ORC5: variants seen among roughly 807,000 people sequenced by gnomAD.
ORC5 encodes protein phosphatase 1, regulatory subunit 117.
In ORC5, 39 loss-of-function variants were observed where a neutral mutation model predicts 58.8. That is an observed-to-expected ratio of 0.66 (90% confidence interval 0.51 to 0.87). The LOEUF is 0.87. ORC5 is among the 40% of genes least tolerant of loss of function. ORC5 has a pLI of 0.00. For synonymous variants in ORC5, 218 were observed against 177.6 expected (o/e 1.23, Z -1.81); for missense variants, 493 against 506.3 (o/e 0.97, Z 0.25).
At position 104,160,996 on chromosome 7, in the gene ORC5, T is replaced by C. The variant is rs10487187; in HGVS notation, c.1149+76A>G. 0.013 allele frequency: 10,360 copies of C among 822,274 alleles called. 730 individuals carry two copies. In the African/African-American group the frequency reaches 0.16, roughly 12 times the overall value. The allele number at this position is 822,274 out of a possible 1,614,324, so 50.9% of individuals were successfully genotyped here. A position where few individuals can be genotyped will look rare whatever the true frequency, so the allele number is the denominator to read the frequency against. Reference sequence around the variant, plus strand: ...AACATATGTTGAACAAAAATCTGAATGCCTGGAATTCTATTGACTCTACTA... The same window carrying C: ...AACATATGTTGAACAAAAATCTGAACGCCTGGAATTCTATTGACTCTACTA... On this transcript the variant is annotated intron_variant, in intron 12 of 13. Coordinates refer to ENST00000297431, the MANE Select transcript of ORC5 (RefSeq NM_002553.4).
intron 11 of ORC5, among the ~76,000 whole-genome samples, chr7:104,162,059 A>G (rs1799034372): frequency 6.6e-6 from 1 of 152,230 alleles, no homozygotes; most frequent in South Asian, 2.1e-4. Context: ...AATTTTTTCA[A>G]TATTGTAAAA....
intron 12 of ORC5, among the ~76,000 whole-genome samples, chr7:104,149,349 T>C (rs1222522726): frequency 6.6e-6 from 1 of 152,186 alleles, no homozygotes; most frequent in Non-Finnish European, 1.5e-5. Context: ...TATGAAGATA[T>C]ATTCTATTGT....
chr7:104,164,646 C>G (rs1442273515), intron 11 of ORC5, among the ~76,000 whole-genome samples: 1 of 152,174 alleles, frequency 6.6e-6, no homozygotes, highest in Non-Finnish European at 1.5e-5. Flanking sequence ...TTTGGACATA[C>G]AAAGTGGAAG....
At chr7:104,171,850 G>A (rs1490732141) in intron 8 of ORC5, among the ~76,000 whole-genome samples, 2 of 151,984 alleles carry the variant, frequency 1.3e-5, no homozygotes, top group Non-Finnish European at 2.9e-5. Flanking sequence ...ATGGGACCCT[G>A]TCTCAAAAAA....
chr7:104,205,279 G>A (rs953640360), intron 1 of ORC5, among the ~76,000 whole-genome samples: 16 of 151,570 alleles, frequency 1.1e-4, no homozygotes, highest in African/African-American at 2.9e-4. Flanking sequence ...TAGTTAAGAC[G>A]GAGTTTCACC....
intron 4 of ORC5, 54 bp downstream of exon 4, chr7:104,197,671 A>T (rs1219733324): frequency 5.0e-6 from 6 of 1,189,356 alleles, no homozygotes; most frequent in South Asian, 2.9e-5. Context: ...AAACTTTTAC[A>T]ACACAATCCA....
At chr7:104,190,096 G>C (rs1799640454) in intron 5 of ORC5, among the ~76,000 whole-genome samples, 1 of 152,002 alleles carries the variant, frequency 6.6e-6, no homozygotes, top group Non-Finnish European at 1.5e-5. Flanking sequence ...GGTGTCAGAA[G>C]TGTTTTGAGT....
At chr7:104,127,719 T>A (rs1798451054) in intron 13 of ORC5, among the ~76,000 whole-genome samples, 1 of 152,262 alleles carries the variant, frequency 6.6e-6, no homozygotes, top group African/African-American at 2.4e-5. Flanking sequence ...CATCAATTAA[T>A]GTTTTTGTCT....
intron 1 of ORC5, among the ~76,000 whole-genome samples, chr7:104,206,107 T>A (rs1800076306): frequency 6.6e-6 from 1 of 152,230 alleles, no homozygotes; most frequent in Admixed American, 6.5e-5. Flanking sequence ...ACCTTAAACA[T>A]CTTTTCTATT....
Position 104,197,810 on chromosome 7 carries a change from CAAA to C in ORC5, c.367-14_367-12del. On this transcript the variant is annotated splice_polypyrimidine_tract_variant and intron_variant, in intron 3 of 13. Coordinates refer to ENST00000297431, the MANE Select transcript of ORC5 (RefSeq NM_002553.4). ...TGCTTTATCTAGAACCTTTAAAAAA[CAAA>C]AAAACAAAACAAAAAGAAATGCATT... The C allele has an allele frequency of 6.7e-7, 1 of 1,486,566 alleles. No individual in the cohort carries two copies. The highest frequency in any genetic ancestry group is 9.1e-7 in the Non-Finnish European group (1 of 1,097,948). The allele number at this position is 1,486,566 out of a possible 1,614,324, so 92.1% of individuals were successfully genotyped here.
chr7:104,159,763 T>C (rs1346117612), intron 12 of ORC5, among the ~76,000 whole-genome samples: 4 of 152,140 alleles, frequency 2.6e-5, no homozygotes, highest in East Asian at 1.9e-4. Context: ...ATTGTAAAAG[T>C]TGTTTAATCT....
chr7:104,206,055 CTGAG>C (rs1800074712), intron 1 of ORC5, among the ~76,000 whole-genome samples: 2 of 152,192 alleles, frequency 1.3e-5, no homozygotes, highest in Admixed American at 6.5e-5. Context: ...ATGCATGTTG[CTGAG>C]TATCTCTGCT....
chr7:104,166,941 A>C, intron 9 of ORC5, 57 bp from the exon 10 acceptor site: 1 of 948,236 alleles, frequency 1.1e-6, no homozygotes, highest in Non-Finnish European at 1.7e-6. Context: ...GGTTTTAAGT[A>C]TCTCTTCTCA....
chr7:104,191,789 G>A (rs151017165), intron 5 of ORC5, among the ~76,000 whole-genome samples: 1 of 152,102 alleles, frequency 6.6e-6, no homozygotes, highest in East Asian at 1.9e-4. Flanking sequence ...AAGGGTAGGA[G>A]AAACCCACTG....
Position 104,183,188 on chromosome 7 carries a change from G to A in ORC5, c.824+755C>T, listed in dbSNP as rs117403767. Among the ~76,000 whole-genome samples, 1,033 of 152,204 alleles carry A rather than the reference G, an allele frequency of 6.8e-3. 8 individuals carry two copies. Among genetic ancestry groups the A allele is most frequent in the Non-Finnish European group, 0.01 (713 of 68,006 alleles). On this transcript the variant is annotated intron_variant, in intron 8 of 13. Coordinates refer to ENST00000297431, the MANE Select transcript of ORC5 (RefSeq NM_002553.4). ...TCCTAACAGAACAATGCTGGCCCAA[G>A]CACTTTGCAATGATAGCCAACACCT...
chr7:104,187,688 T>C, intron 6 of ORC5: 1 of 865,526 alleles, frequency 1.2e-6, no homozygotes. Flanking sequence ...TTCCAAACTG[T>C]CTATGAAATA....
At chr7:104,176,623 T>C (rs1002048152) in intron 8 of ORC5, among the ~76,000 whole-genome samples, 2 of 151,014 alleles carry the variant, frequency 1.3e-5, no homozygotes, top group East Asian at 1.9e-4. Flanking sequence ...CTTTTCCTCA[T>C]GGCTAGGAAT....
chr7:104,145,761 G>C (rs1308785539), intron 12 of ORC5, among the ~76,000 whole-genome samples: 1 of 152,082 alleles, frequency 6.6e-6, no homozygotes, highest in African/African-American at 2.4e-5. Context: ...TAGGGCTACA[G>C]AAACAATATA....
At chr7:104,126,967 A>G (rs1798437926) in intron 13 of ORC5, 74 bp from the exon 14 acceptor site, 1 of 1,054,000 alleles carries the variant, frequency 9.5e-7, no homozygotes, top group Non-Finnish European at 1.4e-6. Flanking sequence ...TCTGGAAAGC[A>G]CATGCAAAAT....
Sources: allele counts gnomAD v4.1 joint callset (sites outside exome capture counted in the v4.1 genomes callset), GRCh38; gene constraint gnomAD v4.1.1; transcripts MANE v1.5; gene names NCBI Gene and HGNC (gene_info 2026-07-23, HGNC 2026-07-21).